The following TMEM135 variants were observed in gnomAD, a reference collection of about 807,000 sequenced individuals.
TMEM135 encodes peroxisomal membrane protein 52.
Under a neutral mutation model 60.3 loss-of-function variants are expected in TMEM135, and 30 were observed. The ratio of observed to expected loss-of-function variants is 0.50; its 90% CI spans 0.37 to 0.68. TMEM135 has a LOEUF of 0.68. Among genes scored for constraint, TMEM135 ranks in the 30% least tolerant of loss-of-function variants. The probability of loss-of-function intolerance (pLI) is 0.00; values close to 1 mark genes in which losing one functional copy is unlikely to be tolerated. For synonymous variants in TMEM135, 190 were observed against 186.7 expected (o/e 1.02, Z -0.14); for missense variants, 468 against 548.8 (o/e 0.85, Z 1.47).
Position 87,130,166 on chromosome 11 carries a change from AT to A in TMEM135, c.397-27162del, listed in dbSNP as rs57192191. Among the ~76,000 whole-genome samples the A allele has an allele frequency of 2.0e-3, 300 of 146,684 alleles. 1 individual carries two copies. Among genetic ancestry groups the A allele is most frequent in the African/African-American group, 5.6e-3 (226 of 40,006 alleles). On this transcript the variant is annotated intron_variant, in intron 4 of 14. Transcript: ENST00000305494. ...GAGTCTTGAGGGTACCAGTTCCAGCATTTTTTTTTTTTTAAGTAAATTACAA... is the reference window on the plus strand; with the variant it reads ...GAGTCTTGAGGGTACCAGTTCCAGCATTTTTTTTTTTTAAGTAAATTACAA...
chr11:87,221,663 C>T (rs928136494), intron 5 of TMEM135, among the ~76,000 whole-genome samples: 5 of 152,082 alleles, frequency 3.3e-5, no homozygotes, highest in African/African-American at 4.8e-5. Flanking sequence ...ATAGAGGTAA[C>T]GTCTGGTCTA....
intron 6 of TMEM135, among the ~76,000 whole-genome samples, chr11:87,292,870 C>G (rs1942290624): frequency 6.6e-6 from 1 of 152,138 alleles, no homozygotes; most frequent in South Asian, 2.1e-4. Context: ...ATATGCCCCT[C>G]TTATATTTGA....
intron 5 of TMEM135, among the ~76,000 whole-genome samples, chr11:87,221,127 C>G (rs1696873647): frequency 6.6e-6 from 1 of 152,022 alleles, no homozygotes; most frequent in Admixed American, 6.6e-5. Context: ...GAAGAAAAAC[C>G]AAAACTAGTT....
At chr11:87,145,183 T>A (rs1938380187) in intron 4 of TMEM135, among the ~76,000 whole-genome samples, 1 of 152,210 alleles carries the variant, frequency 6.6e-6, no homozygotes, top group African/African-American at 2.4e-5. Flanking sequence ...GAACATGTGA[T>A]ATTTGTCTTT....
At chr11:87,060,852 C>T (rs958223900) in intron 1 of TMEM135, among the ~76,000 whole-genome samples, 7 of 152,064 alleles carry the variant, frequency 4.6e-5, no homozygotes, top group Non-Finnish European at 7.4e-5. Context: ...CTGTGTTAGC[C>T]GGGGTGGTCT....
chr11:87,227,249 T>C (rs1271876625), intron 5 of TMEM135, among the ~76,000 whole-genome samples: 1 of 151,888 alleles, frequency 6.6e-6, no homozygotes, highest in Non-Finnish European at 1.5e-5. Context: ...CAATATGCAT[T>C]GAAATGTTTC....
intron 5 of TMEM135, among the ~76,000 whole-genome samples, chr11:87,204,043 T>C (rs985940943): frequency 2.0e-5 from 3 of 152,342 alleles, no homozygotes; most frequent in Admixed American, 2.0e-4. Flanking sequence ...TTATCCTTTT[T>C]TTTTCAACTT....
In TMEM135 at chr11:87,067,605, A is replaced by G. The variant is rs113570308; in HGVS notation, c.142-89A>G. Reference sequence around the variant, plus strand: ...AGCATTTTTACTTTAACTTATAAATATATGCTTTTATACAGTAGCTTCCAC... The same window carrying G: ...AGCATTTTTACTTTAACTTATAAATGTATGCTTTTATACAGTAGCTTCCAC... On this transcript the variant is annotated intron_variant, in intron 1 of 14. Coordinates refer to ENST00000305494, the MANE Select transcript of TMEM135 (RefSeq NM_022918.4). The G allele has an allele frequency of 1.4e-4, 223 of 1,538,416 alleles. 8 individuals carry two copies. In the African/African-American group the frequency reaches 2.2e-3, roughly 15 times the overall value.
chr11:87,195,680 G>A (rs933101233), intron 5 of TMEM135, among the ~76,000 whole-genome samples: 6 of 152,092 alleles, frequency 3.9e-5, no homozygotes, highest in Admixed American at 2.0e-4. Context: ...AAAGCGTTGG[G>A]ATTACAGGCA....
intron 5 of TMEM135, among the ~76,000 whole-genome samples, chr11:87,235,138 A>G (rs1286314962): frequency 1.3e-5 from 2 of 151,942 alleles, no homozygotes; most frequent in Non-Finnish European, 2.9e-5. Flanking sequence ...ACCCACTTAG[A>G]CTTCAATTTA....
At chr11:87,145,081 A>T (rs1051592342) in intron 4 of TMEM135, among the ~76,000 whole-genome samples, 1 of 152,118 alleles carries the variant, frequency 6.6e-6, no homozygotes, top group East Asian at 1.9e-4. Context: ...TTCTCTGGAG[A>T]TTTTCTACCC....
intron 6 of TMEM135, among the ~76,000 whole-genome samples, chr11:87,285,535 GGAGTTGTTCGTTCCTCCCACCCA>G (rs1445176118): frequency 1.3e-5 from 2 of 152,050 alleles, no homozygotes; most frequent in East Asian, 3.9e-4. Flanking sequence ...TGGCACGTCT[GGAGTTGTTCGTTCCTCCCACCCA>G]GAGTTGTTCA....
At chr11:87,139,775 T>TA (rs1443374139) in intron 4 of TMEM135, among the ~76,000 whole-genome samples, 3 of 152,222 alleles carry the variant, frequency 2.0e-5, no homozygotes, top group Non-Finnish European at 1.5e-5. Flanking sequence ...TGGTTTTAAT[T>TA]TGCATTTTCC....
Position 87,071,575 on chromosome 11 carries a change from C to T in TMEM135, c.322C>T (p.Pro108Ser), listed in dbSNP as rs1734426391. The T allele has an allele frequency of 6.2e-7, 1 of 1,613,810 alleles. No homozygotes were observed. The highest frequency in any genetic ancestry group is 8.5e-7 in the Non-Finnish European group (1 of 1,179,920). ...SWTPGFGAAL[P>S]ASYVAILIER... Reference sequence around the variant, plus strand: ...GACTCCTGGCTTTGGTGCCGCTCTGCCAGCATCTTATGTGGCCATTCTCAT... The same window carrying T: ...GACTCCTGGCTTTGGTGCCGCTCTGTCAGCATCTTATGTGGCCATTCTCAT... Residue 108 changes from proline to serine, a missense_variant, in exon 3 of 15, where the codon CCA becomes TCA. By Grantham distance (74) the Pro-to-Ser change is moderately conservative. Transcript: ENST00000305494.
intron 6 of TMEM135, among the ~76,000 whole-genome samples, chr11:87,290,849 A>G (rs1418622756): frequency 6.6e-6 from 1 of 152,188 alleles, no homozygotes; most frequent in East Asian, 1.9e-4. Context: ...AGACTGACTT[A>G]CAGTATTTAT....
chr11:87,069,842 C>G (rs904493944), intron 2 of TMEM135, among the ~76,000 whole-genome samples: 6 of 152,100 alleles, frequency 3.9e-5, no homozygotes, highest in Non-Finnish European at 5.9e-5. Flanking sequence ...TCCTCAATAG[C>G]TTTTCTAATC....
At chr11:87,207,268 C>G (rs949121357) in intron 5 of TMEM135, among the ~76,000 whole-genome samples, 2 of 152,278 alleles carry the variant, frequency 1.3e-5, no homozygotes, top group East Asian at 1.9e-4. Context: ...CAAGGATAAA[C>G]TTTCCTTACA....
chr11:87,285,242 C>G (rs1302042055), intron 6 of TMEM135, among the ~76,000 whole-genome samples: 1 of 152,042 alleles, frequency 6.6e-6, no homozygotes, highest in Non-Finnish European at 1.5e-5. Context: ...AAATTAATTA[C>G]AAAATCTAGT....
intron 6 of TMEM135, among the ~76,000 whole-genome samples, chr11:87,257,897 G>A (rs575162085): frequency 1.7e-4 from 26 of 152,218 alleles, no homozygotes; most frequent in African/African-American, 6.0e-4. Context: ...AACTGTGAAT[G>A]TATTTTTAAA....
Sources: allele counts gnomAD v4.1 joint callset (sites outside exome capture counted in the v4.1 genomes callset), GRCh38; gene constraint gnomAD v4.1.1; transcripts MANE v1.5; gene names NCBI Gene and HGNC (gene_info 2026-07-23, HGNC 2026-07-21).